MAF: variants seen among roughly 807,000 people sequenced by gnomAD.
The protein encoded by MAF is MAF bZIP transcription factor.
Under a neutral mutation model 22.0 loss-of-function variants are expected in MAF, and 10 were observed. The ratio of observed to expected loss-of-function variants is 0.45; its 90% CI spans 0.28 to 0.77. The LOEUF (loss-of-function observed/expected upper bound fraction) is 0.77, where lower values mean the gene tolerates loss of function less well. Among genes scored for constraint, MAF ranks in the 30% least tolerant of loss-of-function variants. MAF has a pLI of 0.12. For synonymous variants in MAF, 337 were observed against 255.8 expected, an observed-to-expected ratio of 1.32 and a Z score of -3.03; for missense variants, 544 against 548.4, an observed-to-expected ratio of 0.99 and a Z score of 0.08.
chr16:79,212,782 G>A, the MAF span: 4 of 150,592 alleles, frequency 2.7e-5, no homozygotes, highest in African/African-American at 4.8e-5. Context: ...AGCGCTTCTC[G>A]TAGATGCCAG....
chr16:79,509,963 G>C, the MAF span, among the ~76,000 whole-genome samples: 2 of 152,210 alleles, frequency 1.3e-5, no homozygotes, highest in African/African-American at 4.8e-5. Context: ...AAGGATAGCG[G>C]AGGGTATCCT....
the MAF span, among the ~76,000 whole-genome samples, chr16:79,289,867 T>TTTTTTTTTTTTTTTTTTTTTTTTTC: frequency 8.4e-6 from 1 of 118,510 alleles, no homozygotes; most frequent in African/African-American, 3.2e-5. Context: ...TTTTTTTTTT[T>TTTTTTTTTTTTTTTTTTTTTTTTTC]TGTGAGACGG....
the MAF span, chr16:79,211,510 G>A: frequency 1.3e-6 from 2 of 1,507,708 alleles, no homozygotes; most frequent in East Asian, 2.3e-5. Flanking sequence ...AACTGAACCA[G>A]GTGGGGGAGG....
At chr16:79,235,462 A>C in the MAF span, among the ~76,000 whole-genome samples, 3 of 151,978 alleles carry the variant, frequency 2.0e-5, no homozygotes, top group African/African-American at 7.2e-5. Flanking sequence ...CACTGGAGGG[A>C]GGCTGAGGTG....
chr16:79,277,772 G>A, the MAF span, among the ~76,000 whole-genome samples: 3 of 152,138 alleles, frequency 2.0e-5, no homozygotes, highest in Non-Finnish European at 4.4e-5. Context: ...CTGTAATAAC[G>A]CCTGTGTGTA....
the MAF span, among the ~76,000 whole-genome samples, chr16:79,506,762 G>T: frequency 2.6e-5 from 4 of 152,208 alleles, no homozygotes; most frequent in Admixed American, 2.6e-4. Flanking sequence ...AACAGCAAGA[G>T]AACCAATGAT....
At chr16:79,472,584 G>T in the MAF span, among the ~76,000 whole-genome samples, 2 of 152,106 alleles carry the variant, frequency 1.3e-5, no homozygotes, top group African/African-American at 2.4e-5. Context: ...ATACAGACAG[G>T]AAGTAGATGA....
chr16:79,574,102 C>T, the MAF span, among the ~76,000 whole-genome samples: 2 of 152,300 alleles, frequency 1.3e-5, no homozygotes, highest in South Asian at 2.1e-4. Context: ...CAGAGTTTAG[C>T]GTCCAAGAGG....
the MAF span, among the ~76,000 whole-genome samples, chr16:79,379,230 G>C: frequency 1.3e-5 from 2 of 152,298 alleles, no homozygotes; most frequent in South Asian, 2.1e-4. Flanking sequence ...GATTGGTTGT[G>C]TCTACCTAGA....
At chr16:79,448,694 G>C in the MAF span, among the ~76,000 whole-genome samples, 1 of 151,772 alleles carries the variant, frequency 6.6e-6, no homozygotes, top group Non-Finnish European at 1.5e-5. Flanking sequence ...CAAAGTGCTG[G>C]GATTACAGGC....
chr16:79,582,573 C>A (rs563495865), downstream of MAF, among the ~76,000 whole-genome samples: 9 of 152,090 alleles, frequency 5.9e-5, no homozygotes, highest in Middle Eastern at 3.4e-3. Flanking sequence ...CCAGTGCCCA[C>A]AGAAAGAAAA....
chr16:79,207,628 A>ATAGT, the MAF span, among the ~76,000 whole-genome samples: 1 of 152,208 alleles, frequency 6.6e-6, no homozygotes, highest in Non-Finnish European at 1.5e-5. Context: ...TATATATCTC[A>ATAGT]TAGTTAAGTC....
the MAF span, among the ~76,000 whole-genome samples, chr16:79,361,576 A>C: frequency 2.6e-4 from 40 of 152,178 alleles, no homozygotes; most frequent in Non-Finnish European, 3.7e-4. Flanking sequence ...ACACCTCTCT[A>C]AAAGCTGTCA....
At chr16:79,378,362 A>G in the MAF span, among the ~76,000 whole-genome samples, 2 of 152,228 alleles carry the variant, frequency 1.3e-5, no homozygotes, top group African/African-American at 4.8e-5. Context: ...AAGGAAGCCC[A>G]TAGAAAAAAG....
chr16:79,381,035 G>C, the MAF span, among the ~76,000 whole-genome samples: 1 of 152,222 alleles, frequency 6.6e-6, no homozygotes, highest in Non-Finnish European at 1.5e-5. Context: ...TGCCCTGAAG[G>C]GCAGGCTGGC....
At chr16:79,392,155 T>C in the MAF span, among the ~76,000 whole-genome samples, 4 of 81,994 alleles carry the variant, frequency 4.9e-5, no homozygotes, top group East Asian at 3.4e-4. Flanking sequence ...GGAGAGAGAG[T>C]GAAGGAAGGA....
the MAF span, among the ~76,000 whole-genome samples, chr16:79,428,340 C>G: frequency 6.6e-6 from 1 of 152,134 alleles, no homozygotes; most frequent in East Asian, 1.9e-4. Flanking sequence ...CAAGCACACA[C>G]TGATGTTTAG....
At chr16:79,555,603 G>C in the MAF span, among the ~76,000 whole-genome samples, 46 of 152,270 alleles carry the variant, frequency 3.0e-4, no homozygotes, top group Admixed American at 7.8e-4. Flanking sequence ...AAAATTTGAA[G>C]TCCAAAATGC....
the MAF span, among the ~76,000 whole-genome samples, chr16:79,493,640 G>A: frequency 6.6e-6 from 1 of 152,346 alleles, no homozygotes; most frequent in Middle Eastern, 3.4e-3. Flanking sequence ...TTCACAAAAT[G>A]AAAATCCATT....
Sources: allele counts gnomAD v4.1 joint callset (sites outside exome capture counted in the v4.1 genomes callset), GRCh38; gene constraint gnomAD v4.1.1; transcripts MANE v1.5; gene names NCBI Gene and HGNC (gene_info 2026-07-23, HGNC 2026-07-21).